GALNT14: variants seen among roughly 807,000 people sequenced by gnomAD.
The protein encoded by GALNT14 is polypeptide N-acetylgalactosaminyltransferase 14, also known as UDP-GalNAc:polypeptide N-acetylgalactosaminyltransferase 14.
Under a neutral mutation model 77.5 loss-of-function variants are expected in GALNT14, and 60 were observed. The ratio of observed to expected loss-of-function variants is 0.77; its 90% CI spans 0.63 to 0.96. The LOEUF (loss-of-function observed/expected upper bound fraction) is 0.96, where lower values mean the gene tolerates loss of function less well. GALNT14 is among the 40% of genes least tolerant of loss of function. The pLI is 0.00. For synonymous variants in GALNT14, 280 were observed against 281.7 expected (o/e 0.99, Z 0.06); for missense variants, 710 against 731.0 (o/e 0.97, Z 0.33).
At chr2:31,020,100 G>A (rs1671622214) in intron 1 of GALNT14, among the ~76,000 whole-genome samples, 1 of 152,100 alleles carries the variant, frequency 6.6e-6, no homozygotes, top group African/African-American at 2.4e-5. Context: ...GGCCCCTTCT[G>A]CCAGCCACTG....
intron 1 of GALNT14, among the ~76,000 whole-genome samples, chr2:31,018,490 C>T (rs1671520919): frequency 1.3e-5 from 2 of 152,146 alleles, no homozygotes; most frequent in Admixed American, 6.5e-5. Flanking sequence ...ATAAAACCAT[C>T]AGATGTCATA....
intron 1 of GALNT14, among the ~76,000 whole-genome samples, chr2:31,087,588 G>T (rs1676510763): frequency 8.6e-6 from 1 of 116,720 alleles, no homozygotes; most frequent in African/African-American, 3.1e-5. Context: ...GGGGAGAGAA[G>T]GAAAGAGGCT....
chr2:30,929,492 G>A lies in GALNT14; in HGVS notation c.1059-5C>T. On this transcript the variant is annotated splice_region_variant and splice_polypyrimidine_tract_variant and intron_variant, in intron 10 of 14. Transcript: ENST00000349752. ...TCAGCTGTCCGCTTGGTGTTCCTGGGAAAACAAGGAGTGACAAGGGGTGTC... is the reference window on the plus strand; with the variant it reads ...TCAGCTGTCCGCTTGGTGTTCCTGGAAAAACAAGGAGTGACAAGGGGTGTC... The A allele has an allele frequency of 6.2e-7, 1 of 1,611,874 alleles. No individual in the cohort carries two copies. The highest frequency in any genetic ancestry group is 1.1e-5 in the South Asian group (1 of 90,896).
intron 1 of GALNT14, among the ~76,000 whole-genome samples, chr2:31,019,971 C>A (rs928092760): frequency 1.3e-5 from 2 of 152,094 alleles, no homozygotes; most frequent in African/African-American, 4.8e-5. Flanking sequence ...CTCAGTCTAC[C>A]CTATGAATAT....
intron 1 of GALNT14, among the ~76,000 whole-genome samples, chr2:31,052,672 C>T (rs1162476964): frequency 1.3e-5 from 2 of 152,180 alleles, no homozygotes; most frequent in Non-Finnish European, 2.9e-5. Context: ...CAATCAGCCT[C>T]CACTGCACAG....
chr2:30,909,881 T>G (rs1401900886), downstream of GALNT14, among the ~76,000 whole-genome samples: 1 of 151,706 alleles, frequency 6.6e-6, no homozygotes, highest in Non-Finnish European at 1.5e-5. Flanking sequence ...TATGCAGCCA[T>G]AAAAAATGAT....
At chr2:30,892,935 G>A in the GALNT14 span, among the ~76,000 whole-genome samples, 2 of 152,050 alleles carry the variant, frequency 1.3e-5, no homozygotes, top group African/African-American at 2.4e-5. Flanking sequence ...TTCAGGATTC[G>A]GAAGAAAAAT....
intron 1 of GALNT14, among the ~76,000 whole-genome samples, chr2:31,055,458 G>GA (rs1337206163): frequency 6.6e-6 from 1 of 152,154 alleles, no homozygotes; most frequent in African/African-American, 2.4e-5. Flanking sequence ...AACTTCAGGG[G>GA]AAAAATAGAA....
rs182189591 is a variant in GALNT14 at position 31,103,387 on chromosome 2, G to A, written c.129+34571C>T. On this transcript the variant is annotated intron_variant, in intron 1 of 14. Coordinates refer to ENST00000349752, the MANE Select transcript of GALNT14 (RefSeq NM_024572.4). ...TTCTTTCCACAGAAGCATAGAAAAG[G>A]CATGATTGGGGTGGAGAGAGAAAGA... 2.6e-5 allele frequency among the ~76,000 whole-genome samples: 4 copies of A among 152,088 alleles called. No individual in the cohort carries two copies. The East Asian group carries it at 7.7e-4, about 29-fold the overall frequency.
intron 1 of GALNT14, among the ~76,000 whole-genome samples, chr2:31,122,519 T>C (rs1464247305): frequency 6.6e-6 from 1 of 152,228 alleles, no homozygotes; most frequent in Non-Finnish European, 1.5e-5. Context: ...CTTCTCAAAC[T>C]TTGATTGCAC....
intron 2 of GALNT14, among the ~76,000 whole-genome samples, chr2:30,981,742 A>C (rs187656796): frequency 1.2e-3 from 184 of 147,770 alleles, no homozygotes; most frequent in African/African-American, 4.3e-3. Context: ...CAGTTTCCGC[A>C]TGCTTTTACC....
chr2:31,024,726 G>A (rs1055670229), intron 1 of GALNT14, among the ~76,000 whole-genome samples: 2 of 152,172 alleles, frequency 1.3e-5, no homozygotes, highest in African/African-American at 2.4e-5. Context: ...ATTCCAGTGG[G>A]TATCCCTAAC....
intron 1 of GALNT14, among the ~76,000 whole-genome samples, chr2:31,000,959 T>A (rs1189575793): frequency 1.3e-5 from 2 of 152,104 alleles, no homozygotes; most frequent in African/African-American, 2.4e-5. Context: ...TATCCCCAAT[T>A]TTCAAATGAG....
At chr2:30,919,507 C>G (rs891402275) in intron 13 of GALNT14, among the ~76,000 whole-genome samples, 1 of 152,208 alleles carries the variant, frequency 6.6e-6, no homozygotes, top group Middle Eastern at 3.2e-3. Context: ...GAACTCAGCC[C>G]TTGGCTCCCA....
At chr2:31,131,045 G>C (rs1180648428) in intron 1 of GALNT14, among the ~76,000 whole-genome samples, 1 of 152,076 alleles carries the variant, frequency 6.6e-6, no homozygotes, top group African/African-American at 2.4e-5. Context: ...TAAGCAAGTG[G>C]GGGTCAGACA....
chr2:30,887,445 G>A, the GALNT14 span, among the ~76,000 whole-genome samples: 1 of 151,920 alleles, frequency 6.6e-6, no homozygotes, highest in Non-Finnish European at 1.5e-5. Context: ...TCTCATGGTA[G>A]TTTGCCTTGC....
At chr2:30,973,660 A>T (rs1485270122) in intron 2 of GALNT14, among the ~76,000 whole-genome samples, 1 of 152,182 alleles carries the variant, frequency 6.6e-6, no homozygotes, top group Admixed American at 6.5e-5. Context: ...TAAAATCAAA[A>T]ATTCCTTTTA....
At chr2:31,044,415 C>T (rs890647684) in intron 1 of GALNT14, among the ~76,000 whole-genome samples, 1 of 152,256 alleles carries the variant, frequency 6.6e-6, no homozygotes, top group Non-Finnish European at 1.5e-5. Flanking sequence ...GACACCACCA[C>T]CATCTTCACG....
intron 13 of GALNT14, among the ~76,000 whole-genome samples, chr2:30,920,462 G>C (rs1157155757): frequency 9.9e-5 from 15 of 152,264 alleles, no homozygotes; most frequent in African/African-American, 3.6e-4. Context: ...GACAGAGGTA[G>C]GAAGAGGTGA....
Sources: allele counts gnomAD v4.1 joint callset (sites outside exome capture counted in the v4.1 genomes callset), GRCh38; gene constraint gnomAD v4.1.1; transcripts MANE v1.5; gene names NCBI Gene and HGNC (gene_info 2026-07-23, HGNC 2026-07-21).